ZMAT4: variants seen among roughly 807,000 people sequenced by gnomAD.
The protein encoded by ZMAT4 is zinc finger matrin-type 4.
In ZMAT4, 17 loss-of-function variants were observed where a neutral mutation model predicts 28.7. That is an observed-to-expected ratio of 0.59 (90% CI 0.41 to 0.89). ZMAT4 has a LOEUF of 0.89. Among genes scored for constraint, ZMAT4 ranks in the 40% least tolerant of loss-of-function variants. The probability of loss-of-function intolerance (pLI) is 0.00; values close to 1 mark genes in which losing one functional copy is unlikely to be tolerated. For synonymous variants in ZMAT4, 117 were observed against 109.2 expected (o/e 1.07, Z -0.44); for missense variants, 240 against 283.8 (o/e 0.85, Z 1.11).
intron 5 of ZMAT4, among the ~76,000 whole-genome samples, chr8:40,641,632 C>A (rs1807030853): frequency 6.6e-6 from 1 of 152,206 alleles, no homozygotes; most frequent in African/African-American, 2.4e-5. Flanking sequence ...ACAATCTGTG[C>A]TCTTACCCAT....
At chr8:40,553,128 G>C (rs888970667) in intron 6 of ZMAT4, among the ~76,000 whole-genome samples, 19 of 152,098 alleles carry the variant, frequency 1.2e-4, no homozygotes, top group Non-Finnish European at 2.5e-4. Flanking sequence ...TGGCCACCCT[G>C]GAAAATGTTA....
At chr8:40,641,348 A>G (rs1378980236) in intron 5 of ZMAT4, among the ~76,000 whole-genome samples, 1 of 152,222 alleles carries the variant, frequency 6.6e-6, no homozygotes, top group African/African-American at 2.4e-5. Context: ...CTTTATGTGG[A>G]AAAAACATTT....
chr8:40,871,350 C>T (rs572536543), intron 1 of ZMAT4, among the ~76,000 whole-genome samples: 1 of 152,306 alleles, frequency 6.6e-6, no homozygotes, highest in East Asian at 1.9e-4. Context: ...CTAAATCTTT[C>T]TTTTCTCTTT....
chr8:40,723,542 C>CAAAAAAAAAAAAAAAAAAAAAAAAAA (rs58513087), intron 3 of ZMAT4, among the ~76,000 whole-genome samples: 1 of 66,852 alleles, frequency 1.5e-5, no homozygotes, highest in African/African-American at 5.9e-5. Context: ...GATTCCATCT[C>CAAAAAAAAAAAAAAAAAAAAAAAAAA]AAAAAAAAAA....
At chr8:40,730,186 A>T (rs891889597) in intron 3 of ZMAT4, among the ~76,000 whole-genome samples, 6 of 152,146 alleles carry the variant, frequency 3.9e-5, no homozygotes, top group East Asian at 1.9e-4. Flanking sequence ...TTACAGTAAA[A>T]TTTTTCCCAG....
intron 3 of ZMAT4, among the ~76,000 whole-genome samples, chr8:40,739,640 T>C: frequency 6.6e-6 from 1 of 152,196 alleles, no homozygotes; most frequent in East Asian, 1.9e-4. Context: ...GTTTGTTTGT[T>C]TGTTTTACTT....
intron 1 of ZMAT4, among the ~76,000 whole-genome samples, chr8:40,836,632 C>T (rs576226255): frequency 6.6e-6 from 1 of 152,274 alleles, no homozygotes; most frequent in South Asian, 2.1e-4. Context: ...TCTACAAGAT[C>T]CTTTTTATAA....
At chr8:40,880,466 A>G (rs1818182899) in intron 1 of ZMAT4, among the ~76,000 whole-genome samples, 1 of 152,160 alleles carries the variant, frequency 6.6e-6, no homozygotes, top group Non-Finnish European at 1.5e-5. Context: ...GACACTGAGC[A>G]ATGTCATCTT....
chr8:40,621,333 C>T (rs1806189683), intron 5 of ZMAT4, among the ~76,000 whole-genome samples: 1 of 152,172 alleles, frequency 6.6e-6, no homozygotes, highest in South Asian at 2.1e-4. Flanking sequence ...TGAGGGATGA[C>T]TACAGATGCA....
chr8:40,614,293 A>T (rs1805913305), intron 5 of ZMAT4, among the ~76,000 whole-genome samples: 1 of 152,264 alleles, frequency 6.6e-6, no homozygotes, highest in Non-Finnish European at 1.5e-5. Context: ...CCTCTTTACA[A>T]TAACATAAAA....
intron 5 of ZMAT4, among the ~76,000 whole-genome samples, chr8:40,584,269 C>T (rs1804588655): frequency 1.3e-5 from 2 of 152,134 alleles, no homozygotes; most frequent in African/African-American, 4.8e-5. Context: ...CTGTGTCCCT[C>T]AGCCCTGGAG....
intron 6 of ZMAT4, among the ~76,000 whole-genome samples, chr8:40,540,027 C>T (rs1296740884): frequency 6.6e-6 from 1 of 152,214 alleles, no homozygotes. Context: ...ACCAATACTT[C>T]AGTCATACCT....
At chr8:40,734,516 T>C (rs1811677710) in intron 3 of ZMAT4, among the ~76,000 whole-genome samples, 1 of 152,194 alleles carries the variant, frequency 6.6e-6, no homozygotes, top group Non-Finnish European at 1.5e-5. Flanking sequence ...TGAAAGATTC[T>C]GGAGATGGAA....
rs193199810 is a variant in ZMAT4 at position 40,890,518 on chromosome 8, G to A, written c.-5+7165C>T. ...CTCCCCATTGCCACTGTCTTCCTGC[G>A]GGCCCTCGCCATTTCTCACCTGGAC... is the stretch of plus-strand genomic sequence containing the variant. On this transcript the variant is annotated intron_variant, in intron 1 of 6. Coordinates refer to ENST00000297737, the MANE Select transcript of ZMAT4 (RefSeq NM_024645.3). 4.6e-5 allele frequency among the ~76,000 whole-genome samples: 7 copies of A among 151,928 alleles called. No individual in the cohort carries two copies. In the East Asian group the frequency reaches 5.8e-4, roughly 13 times the overall value.
chr8:40,760,586 G>T (rs879399112), intron 3 of ZMAT4, among the ~76,000 whole-genome samples: 4 of 152,096 alleles, frequency 2.6e-5, no homozygotes, highest in African/African-American at 4.8e-5. Flanking sequence ...CAAAATTCCT[G>T]TTAAGCCAAG....
chr8:40,626,066 C>G (rs543252354), intron 5 of ZMAT4, among the ~76,000 whole-genome samples: 2 of 146,022 alleles, frequency 1.4e-5, no homozygotes, highest in Admixed American at 7.0e-5. Context: ...GCTGAGATTG[C>G]GCCATTGCAC....
chr8:40,559,794 AAC>A (rs1299794684), intron 6 of ZMAT4, among the ~76,000 whole-genome samples: 2 of 152,146 alleles, frequency 1.3e-5, no homozygotes, highest in Non-Finnish European at 2.9e-5. Context: ...TAATTACAGA[AAC>A]ACACAGATAT....
At position 40,659,363 on chromosome 8, in the gene ZMAT4, T is replaced by A. The variant is rs139328796; in HGVS notation, c.577+15341A>T. On this transcript the variant is annotated intron_variant, in intron 5 of 6. Coordinates refer to ENST00000297737, the MANE Select transcript of ZMAT4 (RefSeq NM_024645.3). Reference sequence around the variant, plus strand: ...GAGTGCGTTGAGACACCTCCAAAGTTCCTCATATGTTGTTTTGCTTAGGGC... The same window carrying A: ...GAGTGCGTTGAGACACCTCCAAAGTACCTCATATGTTGTTTTGCTTAGGGC... Among the ~76,000 whole-genome samples, 209 of 152,168 alleles carry A rather than the reference T, an allele frequency of 1.4e-3. 1 individual carries two copies. The highest frequency in any genetic ancestry group is 4.6e-3 in the African/African-American group (189 of 41,528).
chr8:40,552,837 G>A (rs1803406794), intron 6 of ZMAT4, among the ~76,000 whole-genome samples: 1 of 152,124 alleles, frequency 6.6e-6, no homozygotes, highest in African/African-American at 2.4e-5. Context: ...CCTTCAAGAG[G>A]AGGAGCCTAA....
Sources: allele counts gnomAD v4.1 joint callset (sites outside exome capture counted in the v4.1 genomes callset), GRCh38; gene constraint gnomAD v4.1.1; transcripts MANE v1.5; gene names NCBI Gene and HGNC (gene_info 2026-07-23, HGNC 2026-07-21).